The following MOCOS variants were observed in gnomAD, a reference collection of about 807,000 sequenced individuals.
MOCOS encodes the protein human molybdenum cofactor sulfurase.
MOCOS carries 86 observed loss-of-function variants against 83.6 expected under a neutral mutation model. The ratio of observed to expected loss-of-function variants is 1.03; its 90% CI spans 0.86 to 1.23. The LOEUF (loss-of-function observed/expected upper bound fraction) is 1.23. Ranked by LOEUF, MOCOS falls within the 50% of genes most tolerant of loss-of-function variation. MOCOS has a pLI of 0.00. For missense variants in MOCOS, 1,120 were observed against 1,126.9 expected (o/e 0.99, Z 0.09); for synonymous variants, 445 against 434.7 (o/e 1.02, Z -0.29).
chr18:36,196,810 G>T (rs2091389774), intron 2 of MOCOS, among the ~76,000 whole-genome samples: 1 of 151,978 alleles, frequency 6.6e-6, no homozygotes, highest in South Asian at 2.1e-4. Context: ...GGTCCCACAG[G>T]TTACTAGCAA....
intron 6 of MOCOS, among the ~76,000 whole-genome samples, chr18:36,208,851 G>T (rs554702263): frequency 6.6e-6 from 1 of 152,298 alleles, no homozygotes; most frequent in South Asian, 2.1e-4. Context: ...TGGTGAGAGA[G>T]GTCATCCTTA....
chr18:36,267,375 G>A (rs996981083), intron 14 of MOCOS, among the ~76,000 whole-genome samples: 41 of 152,328 alleles, frequency 2.7e-4, no homozygotes, highest in Admixed American at 1.4e-3. Context: ...TATACTTTCT[G>A]TTAGGACTTT....
At chr18:36,260,237 C>G in intron 13 of MOCOS, 62 bp downstream of exon 13, 1 of 1,606,024 alleles carries the variant, frequency 6.2e-7, no homozygotes, top group African/African-American at 1.3e-5. Flanking sequence ...TGACCTCAAT[C>G]CCAGACCTGG....
chr18:36,260,283 T>C (rs1472894453), intron 13 of MOCOS, 108 bp downstream of exon 13: 1 of 1,422,566 alleles, frequency 7.0e-7, no homozygotes, highest in African/African-American at 1.4e-5. Context: ...AGTCCTTGTC[T>C]CTTAACTACA....
chr18:36,195,260 C>G lies in MOCOS; in HGVS notation c.146C>G (p.Thr49Ser), dbSNP rs1222453942. The change falls in exon 2 of 15, where the codon ACT (threonine) becomes AGT (serine). Residue 49 changes from threonine to serine, a missense_variant. Transcript: ENST00000261326. ...RAREFSRLAG[T>S]VYLDHAGATL... ...TTTATTTTGTGTTTTCTTTCAGGAA[C>G]TGTCTATCTTGACCATGCAGGTGCC... 3 of 1,613,852 alleles carry G rather than the reference C, an allele frequency of 1.9e-6. No homozygotes were observed. The highest frequency in any genetic ancestry group is 2.5e-6 in the Non-Finnish European group (3 of 1,179,712).
chr18:36,247,644 G>A (rs2091607096), intron 9 of MOCOS, among the ~76,000 whole-genome samples: 1 of 152,218 alleles, frequency 6.6e-6, no homozygotes, highest in Admixed American at 6.5e-5. Flanking sequence ...CTCTAGGTAA[G>A]GGTAAATCTT....
chr18:36,236,890 A>C (rs914165245), intron 9 of MOCOS, among the ~76,000 whole-genome samples: 8 of 151,452 alleles, frequency 5.3e-5, no homozygotes, highest in Non-Finnish European at 1.0e-4. Flanking sequence ...TTCTCTTTGA[A>C]GCAATTGTGA....
intron 4 of MOCOS, 25 bp from the exon 5 acceptor site, chr18:36,203,088 T>G: frequency 1.2e-6 from 2 of 1,606,576 alleles, no homozygotes; most frequent in East Asian, 2.2e-5. Context: ...CAGCTTGACC[T>G]GTTCTCCTTA....
At chr18:36,261,365 A>G (rs2091662804) in intron 13 of MOCOS, among the ~76,000 whole-genome samples, 1 of 142,288 alleles carries the variant, frequency 7.0e-6, no homozygotes, top group Non-Finnish European at 1.6e-5. Flanking sequence ...TATAATGTAA[A>G]TATTCCAAAA....
intron 6 of MOCOS, among the ~76,000 whole-genome samples, chr18:36,209,076 TTATG>T (rs2091444871): frequency 6.6e-6 from 1 of 152,228 alleles, no homozygotes; most frequent in Admixed American, 6.5e-5. Context: ...TTAGTTCTGT[TTATG>T]TAATAAATCA....
chr18:36,233,628 G>T (rs2091546908), intron 9 of MOCOS, among the ~76,000 whole-genome samples: 2 of 152,110 alleles, frequency 1.3e-5, no homozygotes, highest in Admixed American at 6.5e-5. Context: ...TTTCCATAGT[G>T]GTTTTACTAG....
rs755763867 is a variant in MOCOS, at chr18:36,248,964, G to A, written c.2003G>A (p.Arg668Gln). 53 of 1,614,118 alleles carry A rather than the reference G, an allele frequency of 3.3e-5. No homozygotes were observed. The highest frequency in any genetic ancestry group is 3.9e-5 in the Non-Finnish European group (46 of 1,180,020). The stretch of plus-strand genomic sequence containing the variant: ...GTGCCTCTTGAGGAAAATAGTGAAC[G>A]GACTCAGATTCGCCAAAGCAGGGTC... ...IEVPLEENSERTQIRQSRVCA... is the reference protein window; with the variant it reads ...IEVPLEENSEQTQIRQSRVCA... The change falls in exon 10 of 15, where the codon CGG becomes CAG. Residue 668 changes from arginine to glutamine, a missense_variant. By Grantham distance (43) the Arg-to-Gln change is conservative. Transcript: ENST00000261326.
chr18:36,203,117 G>A lies in MOCOS; in HGVS notation c.946G>A (p.Glu316Lys). The A allele has an allele frequency of 6.2e-7, 1 of 1,614,160 alleles. No individual in the cohort carries two copies. Among genetic ancestry groups the A allele is most frequent in the Non-Finnish European group, 8.5e-7 (1 of 1,180,004 alleles). The part of the protein sequence containing the change: ...IPRQSVAQRF[E>K]DGTISFLDVI... The stretch of plus-strand genomic sequence containing the variant: ...CTCCTTACCCCGTGGTTATAGGTTT[G>A]AAGATGGCACCATCTCATTCCTTGA... The change falls in exon 5 of 15, where the codon GAA (glutamate) becomes AAA (lysine). Residue 316 changes from glutamate (E) to lysine (K), a missense_variant. Physicochemically the swap from Glu to Lys is moderately conservative, Grantham distance 56 (BLOSUM62 1). Transcript: ENST00000261326.
intron 13 of MOCOS, among the ~76,000 whole-genome samples, chr18:36,260,746 T>C (rs1046361374): frequency 2.0e-5 from 3 of 152,000 alleles, no homozygotes; most frequent in Non-Finnish European, 4.4e-5. Flanking sequence ...GGTCTTAGGC[T>C]AAAATCTGTG....
In MOCOS at chr18:36,270,322, T is replaced by A. The variant is rs2091695167; in HGVS notation, c.*1637T>A. ...AGGCCAGTTTCATGCAGGAGGGAAC[T>A]TTCCAGATGGCACATTGCCCCATTT... On this transcript the variant is annotated 3_prime_UTR_variant, in exon 15 of 15. Transcript: ENST00000261326. 1 of 152,222 alleles carries A rather than the reference T, an allele frequency of 6.6e-6. No individual in the cohort carries two copies. Among genetic ancestry groups the A allele is most frequent in the African/African-American group, 2.4e-5 (1 of 41,436 alleles). The allele number at this position is 152,222 out of a possible 1,614,324, so 9.4% of individuals were successfully genotyped here.
chr18:36,262,250 T>TACACACACACACACACAC (rs71168212), intron 13 of MOCOS, among the ~76,000 whole-genome samples: 7,812 of 127,816 alleles, frequency 0.061, 566 homozygotes, highest in African/African-American at 0.14. Context: ...CGTCTCTCTC[T>TACACACACACACACACAC]ACACACACAC....
chr18:36,268,402 G>A, intron 14 of MOCOS, 131 bp from the exon 15 acceptor site: 1 of 1,077,182 alleles, frequency 9.3e-7, no homozygotes, highest in Non-Finnish European at 1.4e-6. Flanking sequence ...GTAACAGATA[G>A]GAGATATCAA....
intron 13 of MOCOS, among the ~76,000 whole-genome samples, chr18:36,263,988 C>A (rs1223365088): frequency 6.6e-6 from 1 of 151,930 alleles, no homozygotes; most frequent in Non-Finnish European, 1.5e-5. Flanking sequence ...ACCAGCCTGA[C>A]CAACATGCAG....
Position 36,205,126 on chromosome 18 carries a change from C to G in MOCOS, c.1068C>G (p.Thr356=). ...KQHTFTLAQY[T]YVALSSLQYP... ...ACACCTTCACCTTGGCTCAGTATAC[C>G]TACGTGGCCCTGTCCTCTCTCCAGT... The change falls in exon 6 of 15, where the codon ACC becomes ACG. Residue 356 remains threonine, a synonymous_variant. Coordinates refer to ENST00000261326, the MANE Select transcript of MOCOS (RefSeq NM_017947.4). 2 of 1,613,262 alleles carry G rather than the reference C, an allele frequency of 1.2e-6. No homozygotes were observed. Among genetic ancestry groups the G allele is most frequent in the Middle Eastern group, 1.7e-4 (1 of 6,054 alleles).
Sources: gnomAD v4.1 joint callset for allele counts (sites outside exome capture counted in the v4.1 genomes callset) on GRCh38, gnomAD v4.1.1 for gene constraint, MANE v1.5 for transcripts, NCBI Gene and HGNC (gene_info 2026-07-23, HGNC 2026-07-21) for gene names.